Variants in DNAH14 observed in about 807,000 individuals in gnomAD.
The protein encoded by DNAH14 is axonemal beta dynein heavy chain 14.
In DNAH14, 478 loss-of-function variants were observed where a neutral mutation model predicts 520.9. The observed-to-expected ratio is 0.92, with a 90% CI of 0.85 to 0.99. The LOEUF is 0.99. DNAH14 is among the 50% of genes least tolerant of loss of function. The pLI is 0.00. For synonymous variants in DNAH14, 1,581 were observed against 1,757.2 expected (o/e 0.90, Z 2.51); for missense variants, 4,831 against 5,234.5 (o/e 0.92, Z 2.38).
At chr1:225,297,442 T>C (rs1418369710) in intron 55 of DNAH14, among the ~76,000 whole-genome samples, 1 of 152,194 alleles carries the variant, frequency 6.6e-6, no homozygotes, top group Admixed American at 6.5e-5. Context: ...TTGTTCATGT[T>C]TGATGTGTCC....
intron 8 of DNAH14, among the ~76,000 whole-genome samples, chr1:224,978,359 G>T (rs2449256): frequency 2.8e-4 from 43 of 152,198 alleles, no homozygotes; most frequent in African/African-American, 9.9e-4. Context: ...TTTATGGCAA[G>T]ATGGATGAGT....
chr1:225,245,873 C>T lies in DNAH14; in HGVS notation c.6748+5051C>T, dbSNP rs188234687. On this transcript the variant is annotated intron_variant, in intron 43 of 85. Coordinates refer to ENST00000682510, the MANE Select transcript of DNAH14 (RefSeq NM_001367479.1). ...TTCTTCACAGAATTAGGAAAAACTA[C>T]TTTAAATTTCATATGGAACCAAAAA... Among the ~76,000 whole-genome samples, 683 of 152,122 alleles carry T rather than the reference C, an allele frequency of 4.5e-3. 4 individuals are homozygous for T. The highest frequency in any genetic ancestry group is 0.016 in the African/African-American group (651 of 41,510).
chr1:225,141,946 T>A (rs943997438), intron 28 of DNAH14, among the ~76,000 whole-genome samples: 1 of 152,144 alleles, frequency 6.6e-6, no homozygotes, highest in African/African-American at 2.4e-5. Context: ...AAGTCCTTAT[T>A]TTAGGTATGA....
At chr1:225,125,428 T>C (rs2077640116) in intron 27 of DNAH14, among the ~76,000 whole-genome samples, 1 of 152,226 alleles carries the variant, frequency 6.6e-6, no homozygotes, top group Admixed American at 6.5e-5. Flanking sequence ...TCTGGATAAC[T>C]TACTGCAGCT....
chr1:225,304,754 A>G (rs1349368984), intron 57 of DNAH14, among the ~76,000 whole-genome samples, 154 bp from the exon 58 acceptor site: 2 of 152,088 alleles, frequency 1.3e-5, no homozygotes, highest in Non-Finnish European at 2.9e-5. Context: ...ATCAAAACTC[A>G]TATTTTCTTT....
intron 36 of DNAH14, among the ~76,000 whole-genome samples, chr1:225,176,721 C>T (rs2083382997): frequency 6.6e-6 from 1 of 151,898 alleles, no homozygotes; most frequent in Non-Finnish European, 1.5e-5. Flanking sequence ...CCTGCACAAG[C>T]TGTTTTTGCT....
chr1:225,212,036 C>T (rs1343197801), intron 41 of DNAH14, among the ~76,000 whole-genome samples: 1 of 149,488 alleles, frequency 6.7e-6, no homozygotes, highest in South Asian at 2.2e-4. Flanking sequence ...AGGTATATCT[C>T]CTAATGCTAT....
At chr1:225,388,935 G>C (rs551262937) in intron 82 of DNAH14, among the ~76,000 whole-genome samples, 2 of 152,240 alleles carry the variant, frequency 1.3e-5, no homozygotes, top group South Asian at 4.1e-4. Flanking sequence ...CTCATTGTTT[G>C]TATTTTTAGT....
intron 36 of DNAH14, among the ~76,000 whole-genome samples, chr1:225,169,292 C>T (rs1271099427): frequency 6.6e-6 from 1 of 152,160 alleles, no homozygotes; most frequent in African/African-American, 2.4e-5. Flanking sequence ...CAAAGCTGGA[C>T]AGAGAATGAC....
intron 27 of DNAH14, among the ~76,000 whole-genome samples, chr1:225,132,282 G>T (rs1220230037): frequency 6.6e-6 from 1 of 151,860 alleles, no homozygotes; most frequent in Non-Finnish European, 1.5e-5. Flanking sequence ...GTGCCATGCT[G>T]GTTTGCTGCA....
At chr1:225,020,904 A>G (rs2065637352) in intron 10 of DNAH14, among the ~76,000 whole-genome samples, 1 of 152,218 alleles carries the variant, frequency 6.6e-6, no homozygotes, top group Non-Finnish European at 1.5e-5. Flanking sequence ...ACAGACACAC[A>G]AATTATCAAC....
chr1:225,055,148 T>G (rs984582391), intron 17 of DNAH14, among the ~76,000 whole-genome samples: 1 of 152,164 alleles, frequency 6.6e-6, no homozygotes, highest in African/African-American at 2.4e-5. Context: ...AATGTATTTA[T>G]CTGCTATTAA....
At chr1:225,168,303 G>A (rs943939294) in intron 36 of DNAH14, among the ~76,000 whole-genome samples, 2 of 152,202 alleles carry the variant, frequency 1.3e-5, no homozygotes, top group African/African-American at 4.8e-5. Flanking sequence ...ACTGGGGATT[G>A]TTGAACAGTG....
chr1:225,050,151 T>C, intron 15 of DNAH14, 59 bp from the exon 16 acceptor site: 1 of 1,423,212 alleles, frequency 7.0e-7, no homozygotes, highest in Non-Finnish European at 9.3e-7. Context: ...ATGGATAATT[T>C]TGAAGTGTTG....
chr1:225,189,840 G>T (rs7546749), intron 37 of DNAH14, among the ~76,000 whole-genome samples: 11 of 151,826 alleles, frequency 7.2e-5, no homozygotes, highest in Non-Finnish European at 1.3e-4. Flanking sequence ...TCTATGTCTT[G>T]TATCTTTTTT....
intron 32 of DNAH14, among the ~76,000 whole-genome samples, chr1:225,152,417 T>C (rs2080586132): frequency 6.6e-6 from 1 of 151,852 alleles, no homozygotes; most frequent in African/African-American, 2.4e-5. Context: ...GGAGTGGAGG[T>C]TGAGCAGATT....
At chr1:225,335,349 ATATG>A (rs1403716963) in intron 66 of DNAH14, among the ~76,000 whole-genome samples, 1 of 59,938 alleles carries the variant, frequency 1.7e-5, no homozygotes, top group Non-Finnish European at 3.2e-5. Context: ...ATGTGTGTGT[ATATG>A]CATATACACG....
intron 28 of DNAH14, among the ~76,000 whole-genome samples, chr1:225,141,481 G>C (rs186018473): frequency 6.6e-6 from 1 of 150,620 alleles, no homozygotes; most frequent in Non-Finnish European, 1.5e-5. Flanking sequence ...GTTTGGGCGG[G>C]GGCGGGGGCG....
At chr1:225,129,356 C>T (rs1573347599) in intron 27 of DNAH14, among the ~76,000 whole-genome samples, 1 of 151,956 alleles carries the variant, frequency 6.6e-6, no homozygotes, top group South Asian at 2.1e-4. Flanking sequence ...GCCCGCATCA[C>T]CAAGTCAATC....
Sources: allele counts gnomAD v4.1 joint callset (sites outside exome capture counted in the v4.1 genomes callset), GRCh38; gene constraint gnomAD v4.1.1; transcripts MANE v1.5; gene names NCBI Gene and HGNC (gene_info 2026-07-23, HGNC 2026-07-21).